ZBTB20: variants seen among roughly 807,000 people sequenced by gnomAD.
ZBTB20 encodes zinc finger and BTB domain-containing protein 20.
In ZBTB20, 9 loss-of-function variants were observed where a neutral mutation model predicts 56.9. The ratio of observed to expected loss-of-function variants is 0.16; its 90% CI spans 0.10 to 0.28. The LOEUF (loss-of-function observed/expected upper bound fraction) is 0.28, where lower values mean the gene tolerates loss of function less well. ZBTB20 is among the 10% of genes least tolerant of loss of function. The probability of loss-of-function intolerance (pLI) is 1.00; values close to 1 mark genes in which losing one functional copy is unlikely to be tolerated. For synonymous variants in ZBTB20, 417 were observed against 420.7 expected, an observed-to-expected ratio of 0.99 and a Z score of 0.11; for missense variants, 655 against 1,003.0, an observed-to-expected ratio of 0.65 and a Z score of 4.69.
At chr3:115,123,728 A>G (rs1229542977) in intron 1 of ZBTB20, among the ~76,000 whole-genome samples, 1 of 152,184 alleles carries the variant, frequency 6.6e-6, no homozygotes, top group Non-Finnish European at 1.5e-5. Context: ...GCACTTGTAC[A>G]TATTTCTCAA....
chr3:114,736,073 T>C (rs1479539175), intron 5 of ZBTB20, among the ~76,000 whole-genome samples: 1 of 152,198 alleles, frequency 6.6e-6, no homozygotes, highest in Non-Finnish European at 1.5e-5. Flanking sequence ...CATTTGAAAG[T>C]TATCACAGTA....
At chr3:115,092,140 T>C (rs1460899792) in intron 1 of ZBTB20, among the ~76,000 whole-genome samples, 1 of 152,194 alleles carries the variant, frequency 6.6e-6, no homozygotes, top group African/African-American at 2.4e-5. Flanking sequence ...TCCTAACTTT[T>C]TCTTGGGTAA....
chr3:114,795,205 C>A (rs559245240), intron 5 of ZBTB20, among the ~76,000 whole-genome samples: 80 of 152,158 alleles, frequency 5.3e-4, no homozygotes, highest in Non-Finnish European at 9.9e-4. Flanking sequence ...CAGAGGTAAA[C>A]CTTCAGGAAG....
chr3:114,785,499 A>G (rs1439993867), intron 5 of ZBTB20, among the ~76,000 whole-genome samples: 2 of 152,272 alleles, frequency 1.3e-5, no homozygotes, highest in South Asian at 2.1e-4. Flanking sequence ...GGGGTGACAG[A>G]AGAAGATTTT....
At chr3:114,543,507 C>T (rs1291380721) in intron 6 of ZBTB20, among the ~76,000 whole-genome samples, 1 of 152,142 alleles carries the variant, frequency 6.6e-6, no homozygotes, top group African/African-American at 2.4e-5. Flanking sequence ...CCCCCATCTC[C>T]GACTTGCTGT....
intron 6 of ZBTB20, among the ~76,000 whole-genome samples, chr3:114,622,970 T>C (rs562124240): frequency 1.6e-4 from 25 of 152,216 alleles, no homozygotes; most frequent in Non-Finnish European, 3.5e-4. Context: ...ACTCCCCCTC[T>C]TTCCAAAAAG....
intron 6 of ZBTB20, among the ~76,000 whole-genome samples, chr3:114,557,677 G>T (rs1386288571): frequency 6.6e-6 from 1 of 151,788 alleles, no homozygotes; most frequent in Non-Finnish European, 1.5e-5. Flanking sequence ...TTATAGAAGT[G>T]CCCTTTTCAA....
intron 5 of ZBTB20, among the ~76,000 whole-genome samples, chr3:114,794,364 G>A (rs182170787): frequency 6.6e-6 from 1 of 152,172 alleles, no homozygotes; most frequent in East Asian, 1.9e-4. Context: ...CCTTGAAAGG[G>A]TTATGATAGG....
At chr3:114,995,515 C>G (rs554231349) in intron 2 of ZBTB20, among the ~76,000 whole-genome samples, 1 of 151,656 alleles carries the variant, frequency 6.6e-6, no homozygotes, top group Non-Finnish European at 1.5e-5. Flanking sequence ...CATTTAAAGA[C>G]AAAAAATCAT....
intron 7 of ZBTB20, among the ~76,000 whole-genome samples, chr3:114,426,532 T>A (rs1435870207): frequency 6.6e-6 from 1 of 152,030 alleles, no homozygotes; most frequent in African/African-American, 2.4e-5. Flanking sequence ...CCTGTCAGCA[T>A]CCGGTGCCAC....
chr3:115,010,999 A>C (rs1417254376), intron 2 of ZBTB20, among the ~76,000 whole-genome samples: 2 of 138,906 alleles, frequency 1.4e-5, no homozygotes, highest in Non-Finnish European at 3.3e-5. Context: ...TTTAACATAC[A>C]ATTGGCCTAC....
At chr3:114,817,164 T>G (rs2072974789) in intron 4 of ZBTB20, among the ~76,000 whole-genome samples, 1 of 150,332 alleles carries the variant, frequency 6.7e-6, no homozygotes. Context: ...CTATATTAAG[T>G]CTATATGAAA....
chr3:114,443,538 T>C (rs2091063974), intron 7 of ZBTB20, among the ~76,000 whole-genome samples: 1 of 152,186 alleles, frequency 6.6e-6, no homozygotes, highest in South Asian at 2.1e-4. Flanking sequence ...TAAGGATCTT[T>C]GTAGGGAAAT....
At chr3:114,495,136 C>T (rs2043139401) in intron 7 of ZBTB20, among the ~76,000 whole-genome samples, 3 of 152,286 alleles carry the variant, frequency 2.0e-5, no homozygotes, top group Non-Finnish European at 2.9e-5. Flanking sequence ...CAACGCTCAA[C>T]AATATAACTG....
At chr3:114,675,965 A>ACAG (rs2061603551) in intron 6 of ZBTB20, among the ~76,000 whole-genome samples, 1 of 149,718 alleles carries the variant, frequency 6.7e-6, no homozygotes, top group Non-Finnish European at 1.5e-5. Flanking sequence ...AATCTTCACA[A>ACAG]CTCTACCAGA....
At chr3:114,417,072 T>C (rs894305464) in intron 7 of ZBTB20, among the ~76,000 whole-genome samples, 2 of 152,102 alleles carry the variant, frequency 1.3e-5, no homozygotes, top group African/African-American at 2.4e-5. Context: ...AAAATATTAG[T>C]GTGTTGTAAC....
intron 5 of ZBTB20, among the ~76,000 whole-genome samples, chr3:114,779,347 T>C (rs2069881917): frequency 6.6e-6 from 1 of 152,182 alleles, no homozygotes; most frequent in Admixed American, 6.5e-5. Flanking sequence ...TTCCCATTTA[T>C]CACTATCTCA....
intron 4 of ZBTB20, among the ~76,000 whole-genome samples, chr3:114,809,522 A>C (rs1357325611): frequency 6.6e-6 from 1 of 152,102 alleles, no homozygotes; most frequent in Non-Finnish European, 1.5e-5. Flanking sequence ...TCCTTTTAAA[A>C]TAACACTTAT....
At chr3:114,459,192 A>T (rs1357551110) in intron 7 of ZBTB20, among the ~76,000 whole-genome samples, 1 of 152,144 alleles carries the variant, frequency 6.6e-6, no homozygotes, top group Non-Finnish European at 1.5e-5. Context: ...ACTTTCAAGC[A>T]CCTTTTTTTC....
Sources: allele counts gnomAD v4.1 joint callset (sites outside exome capture counted in the v4.1 genomes callset), GRCh38; gene constraint gnomAD v4.1.1; transcripts MANE v1.5; gene names NCBI Gene and HGNC (gene_info 2026-07-23, HGNC 2026-07-21).